Variants in LTBP2 observed in about 807,000 individuals in gnomAD.
The protein encoded by LTBP2 is latent-transforming growth factor beta-binding protein 2.
In LTBP2, 103 loss-of-function variants were observed where a neutral mutation model predicts 210.6. That is an observed-to-expected ratio of 0.49 (90% CI 0.42 to 0.58). LTBP2 has a LOEUF of 0.58. LTBP2 is among the 20% of genes least tolerant of loss of function. The probability of loss-of-function intolerance (pLI) is 0.00; values close to 1 mark genes in which losing one functional copy is unlikely to be tolerated. For missense variants in LTBP2, 2,313 were observed against 2,494.5 expected (o/e 0.93, Z 1.55); for synonymous variants, 1,007 against 1,015.0 (o/e 0.99, Z 0.15).
chr14:74,546,345 C>A (rs1209374665), intron 8 of LTBP2, among the ~76,000 whole-genome samples: 2 of 152,166 alleles, frequency 1.3e-5, no homozygotes, highest in African/African-American at 4.8e-5. Context: ...TGTATAGAAG[C>A]TTCCTTGTCA....
At chr14:74,536,229 A>T (rs1400037687) in intron 8 of LTBP2, among the ~76,000 whole-genome samples, 1 of 152,248 alleles carries the variant, frequency 6.6e-6, no homozygotes, top group Non-Finnish European at 1.5e-5. Flanking sequence ...CAGGCACAGA[A>T]AGACAAATAT....
chr14:74,572,312 TGTGTGTGTGTGAGA>T lies in LTBP2; in HGVS notation c.830+13528_830+13541del, dbSNP rs879560184. On this transcript the variant is annotated intron_variant, in intron 3 of 35. Transcript: ENST00000261978. ...GTGTGTGTGTGTGTGTGTGTCTGTG[TGTGTGTGTGTGAGA>T]GAGAGAGAGAGAGAGTGTGTGTGTG... 7.1e-3 allele frequency among the ~76,000 whole-genome samples: 446 copies of T among 62,590 alleles called. 2 individuals are homozygous for T. The highest frequency in any genetic ancestry group is 0.023 in the South Asian group (63 of 2,686). 41.1% of individuals were successfully genotyped at this position (62,590 alleles called of 152,430 possible). A position where few individuals can be genotyped will look rare whatever the true frequency, so the allele number is the denominator to read the frequency against.
rs2087625758 is a variant in LTBP2 at position 74,549,778 on chromosome 14, A to T, written c.1789+85T>A. On this transcript the variant is annotated intron_variant, in intron 8 of 35. Coordinates refer to ENST00000261978, the MANE Select transcript of LTBP2 (RefSeq NM_000428.3). ...CTGTTCTACCTGCCTGGCCTCTGAC[A>T]TCCTGGAGGGGAAACCCTGGCAGGA... The T allele has an allele frequency of 8.8e-6, 10 of 1,140,480 alleles. 1 individual carries two copies. Among genetic ancestry groups the T allele is most frequent in the Middle Eastern group, 1.9e-4 (1 of 5,158 alleles). 70.6% of individuals were successfully genotyped at this position (1,140,480 alleles called of 1,614,324 possible). A position where few individuals can be genotyped will look rare whatever the true frequency, so the allele number is the denominator to read the frequency against.
chr14:74,525,299 C>T (rs2087258034), intron 14 of LTBP2, 74 bp from the exon 15 acceptor site: 1 of 791,232 alleles, frequency 1.3e-6, no homozygotes, highest in South Asian at 4.8e-5. Context: ...TTCCCTGGTG[C>T]TCAGACTCCC....
At chr14:74,597,007 AT>A (rs1293011156) in intron 2 of LTBP2, among the ~76,000 whole-genome samples, 3 of 152,180 alleles carry the variant, frequency 2.0e-5, no homozygotes, top group Non-Finnish European at 4.4e-5. Flanking sequence ...CCCGGAGATG[AT>A]GTTTACATCC....
intron 19 of LTBP2, among the ~76,000 whole-genome samples, chr14:74,510,842 G>A (rs779826540): frequency 2.6e-5 from 4 of 152,216 alleles, no homozygotes; most frequent in African/African-American, 9.7e-5. Flanking sequence ...AGGGAGGAGC[G>A]CCCCGCTGTG....
At chr14:74,522,281 C>G (rs1839407934) in intron 16 of LTBP2, among the ~76,000 whole-genome samples, 1 of 152,216 alleles carries the variant, frequency 6.6e-6, no homozygotes, top group African/African-American at 2.4e-5. Context: ...TGCCCCTCGA[C>G]TCCTTCCCCC....
chr14:74,539,543 C>CA (rs946550329), intron 8 of LTBP2, among the ~76,000 whole-genome samples: 23 of 151,918 alleles, frequency 1.5e-4, no homozygotes, highest in Non-Finnish European at 2.5e-4. Context: ...CCCGTCTCTA[C>CA]AAAAAAAATA....
intron 7 of LTBP2, among the ~76,000 whole-genome samples, 158 bp downstream of exon 7, chr14:74,550,906 C>A (rs1315024888): frequency 6.6e-6 from 1 of 152,234 alleles, no homozygotes; most frequent in African/African-American, 2.4e-5. Context: ...CATACATGGA[C>A]AATTTCATGC....
chr14:74,538,923 C>T (rs559192159), intron 8 of LTBP2, among the ~76,000 whole-genome samples: 5 of 152,162 alleles, frequency 3.3e-5, no homozygotes, highest in South Asian at 2.1e-4. Flanking sequence ...ACGTCCCTGG[C>T]GTGGGGCCTG....
intron 8 of LTBP2, among the ~76,000 whole-genome samples, 154 bp downstream of exon 8, chr14:74,549,709 G>C (rs1395900259): frequency 1.3e-5 from 2 of 152,224 alleles, no homozygotes; most frequent in African/African-American, 4.8e-5. Context: ...GTGCTGGCCA[G>C]AAACACCTTC....
intron 27 of LTBP2, among the ~76,000 whole-genome samples, 171 bp downstream of exon 27, chr14:74,506,527 G>A (rs1036989633): frequency 3.3e-5 from 5 of 152,208 alleles, no homozygotes; most frequent in Non-Finnish European, 5.9e-5. Flanking sequence ...TTACCCGCCC[G>A]GCCCATGTGC....
Position 74,552,464 on chromosome 14 carries a change from C to A in LTBP2, c.1193-71G>T, listed in dbSNP as rs2087674260. The A allele has an allele frequency of 2.4e-5, 34 of 1,416,184 alleles. No homozygotes were observed. The South Asian group carries it at 3.0e-4, about 13-fold the overall frequency. The allele number at this position is 1,416,184 out of a possible 1,614,324, so 87.7% of individuals were successfully genotyped here. On this transcript the variant is annotated intron_variant, in intron 5 of 35. Transcript: ENST00000261978. The stretch of plus-strand genomic sequence containing the variant: ...CACCCGCTCTGTGGCTGGTGACCAC[C>A]ACAGAGAAACAGGCGGCAGAACCCT...
intron 3 of LTBP2, among the ~76,000 whole-genome samples, chr14:74,564,297 TTATATATATTTA>T (rs2139764207): frequency 4.1e-5 from 1 of 24,116 alleles, no homozygotes; most frequent in Non-Finnish European, 6.4e-5. Context: ...ATATATATAT[TTATATATATTTA>T]TATATATATT....
intron 1 of LTBP2, among the ~76,000 whole-genome samples, chr14:74,608,251 C>A (rs893689406): frequency 6.6e-6 from 1 of 151,900 alleles, no homozygotes; most frequent in Non-Finnish European, 1.5e-5. Context: ...ATTTTCAATA[C>A]CTTTTAGTGC....
chr14:74,531,298 C>T (rs572027473), intron 10 of LTBP2, among the ~76,000 whole-genome samples: 2 of 152,186 alleles, frequency 1.3e-5, no homozygotes, highest in Admixed American at 6.5e-5. Context: ...AAAGGACACT[C>T]GAGAGCCATC....
intron 4 of LTBP2, 56 bp downstream of exon 4, chr14:74,555,447 G>C: frequency 6.4e-7 from 1 of 1,574,640 alleles, no homozygotes; most frequent in Admixed American, 1.7e-5. Context: ...GCCAAGGTGG[G>C]AGAAGAGAGT....
chr14:74,505,140 A>T lies in LTBP2; in HGVS notation c.4212T>A (p.His1404Gln). ...AGTCCATGCGGGTGGGGGCCGGGGCATGGTCCCCCGTTGGGGCCTCAGACA... is the reference window on the plus strand; with the variant it reads ...AGTCCATGCGGGTGGGGGCCGGGGCTTGGTCCCCCGTTGGGGCCTCAGACA... ...QSMSEAPTGD[H>Q]APAPTRMDCY... The change falls in exon 29 of 36, where the codon CAT becomes CAA. Residue 1404 changes from histidine (H) to glutamine (Q), a missense_variant. This residue lies in a region of LTBP2 where 1,867 missense variants were observed against 1,976.9 expected (regional missense o/e 0.94). Coordinates refer to ENST00000261978, the MANE Select transcript of LTBP2 (RefSeq NM_000428.3). The T allele has an allele frequency of 1.2e-6, 2 of 1,613,700 alleles. No homozygotes were observed. Among genetic ancestry groups the T allele is most frequent in the Non-Finnish European group, 1.7e-6 (2 of 1,180,022 alleles).
chr14:74,516,942 C>T lies in LTBP2; in HGVS notation c.2789-1G>A, dbSNP rs2087144643. 1.3e-6 allele frequency: 2 copies of T among 1,551,382 alleles called. No individual in the cohort carries two copies. The highest frequency in any genetic ancestry group is 1.7e-6 in the Non-Finnish European group (2 of 1,147,070). Reference sequence around the variant, plus strand: ...CCTGGCTGCTCACACTCATTGATATCTGTGAACACACAGAAAAGCCCTGAG... The same window carrying T: ...CCTGGCTGCTCACACTCATTGATATTTGTGAACACACAGAAAAGCCCTGAG... On this transcript the variant is annotated splice_acceptor_variant, in intron 17 of 35. Coordinates refer to ENST00000261978, the MANE Select transcript of LTBP2 (RefSeq NM_000428.3). LOFTEE classifies it high-confidence loss of function.
Sources: gnomAD v4.1 joint callset for allele counts (sites outside exome capture counted in the v4.1 genomes callset) on GRCh38, gnomAD v4.1.1 for gene constraint, gnomAD v4.1.1 regional missense constraint, MANE v1.5 for transcripts, NCBI Gene and HGNC (gene_info 2026-07-23, HGNC 2026-07-21) for gene names.